FOXI3: variants seen among roughly 807,000 people sequenced by gnomAD.
FOXI3 encodes the protein forkhead box I3.
A neutral mutation model predicts 15.6 loss-of-function variants in FOXI3; 4 were observed. The observed-to-expected ratio is 0.26, with a 90% confidence interval of 0.13 to 0.59. FOXI3 has a LOEUF of 0.59. FOXI3 is among the 20% of genes least tolerant of loss of function. The pLI is 0.90. For missense variants in FOXI3, 489 were observed against 548.2 expected (o/e 0.89, Z 1.08); for synonymous variants, 238 against 244.4 (o/e 0.97, Z 0.25).
In FOXI3 at chr2:88,447,140, C is replaced by T. The variant is rs1235938283; in HGVS notation, c.*1067G>A. ...TGGAAAATGGGGGGTAGTAACAATACCCACCACCCAAGGTTTCTGAGAGGA... is the reference window on the plus strand; with the variant it reads ...TGGAAAATGGGGGGTAGTAACAATATCCACCACCCAAGGTTTCTGAGAGGA... On this transcript the variant is annotated 3_prime_UTR_variant, in exon 2 of 2. Coordinates refer to ENST00000428390, the MANE Select transcript of FOXI3 (RefSeq NM_001135649.3). 6.6e-6 allele frequency: 1 copy of T among 152,188 alleles called. No homozygotes were observed. Among genetic ancestry groups the T allele is most frequent in the Non-Finnish European group, 1.5e-5 (1 of 68,040 alleles). 9.4% of individuals were successfully genotyped at this position (152,188 alleles called of 1,614,324 possible).
chr2:88,451,843 T>TG, intron 1 of FOXI3, 53 bp downstream of exon 1: 1 of 1,575,202 alleles, frequency 6.3e-7, no homozygotes, highest in African/African-American at 1.4e-5. Context: ...CGCCGGCCCT[T>TG]GCGACCCGCG....
At position 88,448,341 on chromosome 2, in the gene FOXI3, C is replaced by T. The variant is rs528789316; in HGVS notation, c.1129G>A (p.Gly377Ser). ...GGGCTGTAATAGGAAGATCTCTGGC[C>T]GGTGCTATTGCTGGTGCTATTGCTC... ...QLSNSTSNST[G>S]QRSSYYSPFP... is the part of the protein sequence containing the mutation. The change falls in exon 2 of 2, where the codon GGC becomes AGC. Residue 377 changes from glycine to serine, a missense_variant. Physicochemically the swap from Gly to Ser is moderately conservative, Grantham distance 56. Coordinates refer to ENST00000428390, the MANE Select transcript of FOXI3 (RefSeq NM_001135649.3). 4.1e-5 allele frequency: 64 copies of T among 1,551,604 alleles called. No individual in the cohort carries two copies. In the Middle Eastern group the frequency reaches 6.7e-4, roughly 16 times the overall value.
At chr2:88,450,666 A>T (rs565924860) in intron 1 of FOXI3, among the ~76,000 whole-genome samples, 30 of 152,286 alleles carry the variant, frequency 2.0e-4, no homozygotes, top group Admixed American at 1.2e-3. Context: ...GACAATTTAC[A>T]TGATAATCTT....
In FOXI3 at chr2:88,448,364, C is replaced by A. The variant is rs1474215048; in HGVS notation, c.1106G>T (p.Ser369Ile). 4 of 1,551,670 alleles carry A rather than the reference C, an allele frequency of 2.6e-6. No homozygotes were observed. ...SEASADTLQL[S>I]NSTSNSTGQR... Reference sequence around the variant, plus strand: ...GCCGGTGCTATTGCTGGTGCTATTGCTCAGTTGCAAGGTGTCTGCTGAGGC... The same window carrying A: ...GCCGGTGCTATTGCTGGTGCTATTGATCAGTTGCAAGGTGTCTGCTGAGGC... The change falls in exon 2 of 2, where the codon AGC becomes ATC. Residue 369 changes from serine (S) to isoleucine (I), a missense_variant. By Grantham distance (142) the Ser-to-Ile change is moderately radical. Transcript: ENST00000428390.
In FOXI3 at chr2:88,452,405, G is replaced by T. The variant is rs1211044065; in HGVS notation, c.131C>A (p.Ala44Glu). 2.0e-6 allele frequency: 2 copies of T among 998,384 alleles called. No homozygotes were observed. Among genetic ancestry groups the T allele is most frequent in the Non-Finnish European group, 2.4e-6 (2 of 840,348 alleles). The allele number at this position is 998,384 out of a possible 1,614,324, so 61.8% of individuals were successfully genotyped here. A position where few individuals can be genotyped will look rare whatever the true frequency, so the allele number is the denominator to read the frequency against. Reference protein sequence around the residue: ...RAPYGLADYAAPPAAAANPYL... With the variant: ...RAPYGLADYAEPPAAAANPYL... The stretch of plus-strand genomic sequence containing the variant: ...GGGGTTGGCGGCGGCGGCCGGCGGC[G>T]CGGCGTAGTCGGCCAGCCCGTAAGG... Residue 44 changes from alanine to glutamate, a missense_variant, in exon 1 of 2, where the codon GCG (alanine) becomes GAG (glutamate). Ala to Glu is a moderately radical substitution (Grantham distance 107, BLOSUM62 -1). Around this residue, in one of 3 missense-constraint regions of FOXI3, gnomAD observed 224 missense variants for 245.7 expected, o/e 0.91. Coordinates refer to ENST00000428390, the MANE Select transcript of FOXI3 (RefSeq NM_001135649.3).
At position 88,452,284 on chromosome 2, in the gene FOXI3, G is replaced by GGGCGGC. The variant is rs1256638071; in HGVS notation, c.246_251dup (p.Pro84_Pro85dup). Reference sequence around the variant, plus strand: ...GAAAGGGCCCGGCCGCGGCCCCGGGGGGCGGCGGCGGCGGCGGAGCGCCCA... The same window carrying GGGCGGC: ...GAAAGGGCCCGGCCGCGGCCCCGGGGGGCGGCGGCGGCGGCGGCGGCGGAGCGCCCA... On this transcript the variant is annotated inframe_insertion, in exon 1 of 2. Coordinates refer to ENST00000428390, the MANE Select transcript of FOXI3 (RefSeq NM_001135649.3). The GGGCGGC allele has an allele frequency of 4.1e-6, 4 of 982,312 alleles. No individual in the cohort carries two copies. The highest frequency in any genetic ancestry group is 6.3e-5 in the Admixed American group (1 of 15,782). 60.8% of individuals were successfully genotyped at this position (982,312 alleles called of 1,614,324 possible).
Position 88,447,966 on chromosome 2 carries a change from C to T in FOXI3, c.*241G>A, listed in dbSNP as rs1274317725. 28 of 551,808 alleles carry T rather than the reference C, an allele frequency of 5.1e-5. No homozygotes were observed. Among genetic ancestry groups the T allele is most frequent in the Admixed American group, 1.5e-4 (5 of 32,676 alleles). The allele number at this position is 551,808 out of a possible 1,614,324, so 34.2% of individuals were successfully genotyped here. A position where few individuals can be genotyped will look rare whatever the true frequency, so the allele number is the denominator to read the frequency against. On this transcript the variant is annotated 3_prime_UTR_variant, in exon 2 of 2. Coordinates refer to ENST00000428390, the MANE Select transcript of FOXI3 (RefSeq NM_001135649.3). Reference sequence around the variant, plus strand: ...CTACCTATCACAGAAGACAGTGAAACGGATTTCTCTCTGGAGAGGCCCACA... The same window carrying T: ...CTACCTATCACAGAAGACAGTGAAATGGATTTCTCTCTGGAGAGGCCCACA...
At position 88,452,667 on chromosome 2, in the gene FOXI3, G is replaced by T; in HGVS notation, c.-132C>A. 1 of 449,036 alleles carries T rather than the reference G, an allele frequency of 2.2e-6. No individual in the cohort carries two copies. The highest frequency in any genetic ancestry group is 3.1e-6 in the Non-Finnish European group (1 of 327,608). The allele number at this position is 449,036 out of a possible 1,614,324, so 27.8% of individuals were successfully genotyped here. On this transcript the variant is annotated 5_prime_UTR_variant, in exon 1 of 2. Coordinates refer to ENST00000428390, the MANE Select transcript of FOXI3 (RefSeq NM_001135649.3). The stretch of plus-strand genomic sequence containing the variant: ...CCTTCACCCGCGCTGGGCGCCCGGT[G>T]CTCCGGGCCGGGGTCGGGCGGGTGC...
Position 88,452,164 on chromosome 2 carries a change from CGCGGGCGCG to C in FOXI3, c.363_371del (p.Ala122_Ala124del). ...ACAGCCAGCCCAGCTCCCCGGGCCC[CGCGGGCGCG>C]GCGGGCGAGGCGGGCGCGGCGGGCG... On this transcript the variant is annotated inframe_deletion, in exon 1 of 2. Coordinates refer to ENST00000428390, the MANE Select transcript of FOXI3 (RefSeq NM_001135649.3). 1 of 1,354,170 alleles carries C rather than the reference CGCGGGCGCG, an allele frequency of 7.4e-7. No homozygotes were observed. The highest frequency in any genetic ancestry group is 9.5e-7 in the Non-Finnish European group (1 of 1,053,562). 83.9% of individuals were successfully genotyped at this position (1,354,170 alleles called of 1,614,324 possible).
chr2:88,451,817 C>T (rs1004371452), intron 1 of FOXI3, 79 bp downstream of exon 1: 3 of 1,543,660 alleles, frequency 1.9e-6, no homozygotes, highest in Non-Finnish European at 2.6e-6. Context: ...ATCTTCCAGC[C>T]GCACACCGAC....
rs1676059487 is a variant in FOXI3 at position 88,452,140 on chromosome 2, C to T, written c.396G>A (p.Leu132=). The stretch of plus-strand genomic sequence containing the variant: ...TCAGGTCCTCGCGGCTGGCCATGGA[C>T]AGCCAGCCCAGCTCCCCGGGCCCCG... ...APAGPGELGW[L]SMASREDLMK... Residue 132 remains leucine, a synonymous_variant, in exon 1 of 2, where the codon CTG becomes CTA. Coordinates refer to ENST00000428390, the MANE Select transcript of FOXI3 (RefSeq NM_001135649.3). The T allele has an allele frequency of 1.3e-6, 2 of 1,529,634 alleles. No homozygotes were observed. The highest frequency in any genetic ancestry group is 2.0e-5 in the Admixed American group (1 of 48,856). The allele number at this position is 1,529,634 out of a possible 1,614,324, so 94.8% of individuals were successfully genotyped here.
chr2:88,447,022 C>T lies in FOXI3; in HGVS notation c.*1185G>A, dbSNP rs1361824898. 2.0e-5 allele frequency: 3 copies of T among 152,184 alleles called. No individual in the cohort carries two copies. Among genetic ancestry groups the T allele is most frequent in the African/African-American group, 7.2e-5 (3 of 41,532 alleles). The allele number at this position is 152,184 out of a possible 1,614,324, so 9.4% of individuals were successfully genotyped here. Reference sequence around the variant, plus strand: ...AAAGTGGTCACAACTTTTTTTTAGCCACCTGTGCACATTTGAGCTTGCAAT... The same window carrying T: ...AAAGTGGTCACAACTTTTTTTTAGCTACCTGTGCACATTTGAGCTTGCAAT... On this transcript the variant is annotated 3_prime_UTR_variant, in exon 2 of 2. Transcript: ENST00000428390.
At chr2:88,450,942 G>A (rs900355991) in intron 1 of FOXI3, among the ~76,000 whole-genome samples, 10 of 152,134 alleles carry the variant, frequency 6.6e-5, no homozygotes, top group Non-Finnish European at 2.9e-5. Context: ...GGAGAGTGCT[G>A]GTCTACAGTG....
chr2:88,447,916 TC>T lies in FOXI3; in HGVS notation c.*290del. Reference sequence around the variant, plus strand: ...ACAGTGATAAACAAAATAGACATGGTCCCCGCCCTCACGGGGCTCACAGGCT... The same window carrying T: ...ACAGTGATAAACAAAATAGACATGGTCCCGCCCTCACGGGGCTCACAGGCT... On this transcript the variant is annotated 3_prime_UTR_variant, in exon 2 of 2. Transcript: ENST00000428390. 2.2e-6 allele frequency: 1 copy of T among 463,800 alleles called. No individual in the cohort carries two copies. The highest frequency in any genetic ancestry group is 3.9e-6 in the Non-Finnish European group (1 of 254,814). The allele number at this position is 463,800 out of a possible 1,614,324, so 28.7% of individuals were successfully genotyped here. A position where few individuals can be genotyped will look rare whatever the true frequency, so the allele number is the denominator to read the frequency against.
At position 88,452,378 on chromosome 2, in the gene FOXI3, T is replaced by G. The variant is rs965794015; in HGVS notation, c.158A>C (p.Tyr53Ser). 20 of 984,644 alleles carry G rather than the reference T, an allele frequency of 2.0e-5. No individual in the cohort carries two copies. Among genetic ancestry groups the G allele is most frequent in the Non-Finnish European group, 2.3e-5 (19 of 832,636 alleles). The allele number at this position is 984,644 out of a possible 1,614,324, so 61.0% of individuals were successfully genotyped here. A position where few individuals can be genotyped will look rare whatever the true frequency, so the allele number is the denominator to read the frequency against. Reference protein sequence around the residue: ...AAPPAAAANPYLWLNGPGVGG... With the variant: ...AAPPAAAANPSLWLNGPGVGG... ...CACGCCGGGCCCGTTGAGCCACAGG[T>G]AGGGGTTGGCGGCGGCGGCCGGCGG... Residue 53 changes from tyrosine (Y) to serine (S), a missense_variant, in exon 1 of 2, where the codon TAC becomes TCC. Physicochemically the swap from Tyr to Ser is moderately radical, Grantham distance 144. Coordinates refer to ENST00000428390, the MANE Select transcript of FOXI3 (RefSeq NM_001135649.3).
In FOXI3 at chr2:88,452,577, G is replaced by A. The variant is rs1173093916; in HGVS notation, c.-42C>T. ...GGCTGCGGCGCGGCCGCGGCGAGGG[G>A]CGAGCGGGGCTGGTCTCGCCGCTCG... On this transcript the variant is annotated 5_prime_UTR_variant, in exon 1 of 2. Coordinates refer to ENST00000428390, the MANE Select transcript of FOXI3 (RefSeq NM_001135649.3). 3.8e-6 allele frequency: 4 copies of A among 1,054,660 alleles called. No individual in the cohort carries two copies. The highest frequency in any genetic ancestry group is 4.6e-6 in the Non-Finnish European group (4 of 873,240). 65.3% of individuals were successfully genotyped at this position (1,054,660 alleles called of 1,614,324 possible).
In FOXI3 at chr2:88,452,049, C is replaced by T. The variant is rs769538266; in HGVS notation, c.487G>A (p.Glu163Lys). The T allele has an allele frequency of 3.8e-6, 6 of 1,592,044 alleles. No homozygotes were observed. The highest frequency in any genetic ancestry group is 1.1e-5 in the South Asian group (1 of 88,468). The change falls in exon 1 of 2, where the codon GAG (glutamate) becomes AAG (lysine). Residue 163 changes from glutamate to lysine, a missense_variant. Glu to Lys is a moderately conservative substitution (Grantham distance 56, BLOSUM62 1). Around this residue, in one of 3 missense-constraint regions of FOXI3, gnomAD observed 224 missense variants for 245.7 expected, o/e 0.91. Transcript: ENST00000428390. ...ATGTGGCTGAGAGTGAGTTTGCGCT[C>T]GGGCGCGCTCTGAATGGCCATGGCG... Reference protein sequence around the residue: ...LIAMAIQSAPERKLTLSHIYQ... With the variant: ...LIAMAIQSAPKRKLTLSHIYQ...
intron 1 of FOXI3, among the ~76,000 whole-genome samples, chr2:88,451,114 A>G (rs1392680038): frequency 1.3e-5 from 2 of 152,072 alleles, no homozygotes; most frequent in African/African-American, 2.4e-5. Flanking sequence ...GAAAACCTCA[A>G]GTAGGATTCT....
In FOXI3 at chr2:88,452,604, G is replaced by A. The variant is rs1367682897; in HGVS notation, c.-69C>T. The A allele has an allele frequency of 9.2e-6, 9 of 978,682 alleles. No individual in the cohort carries two copies. Among genetic ancestry groups the A allele is most frequent in the Admixed American group, 5.7e-5 (1 of 17,534 alleles). 60.6% of individuals were successfully genotyped at this position (978,682 alleles called of 1,614,324 possible). On this transcript the variant is annotated 5_prime_UTR_variant, in exon 1 of 2. Transcript: ENST00000428390. ...GAGCGGGGCTGGTCTCGCCGCTCGG[G>A]CGAGAGCATCCCTTTGGGGGCCAAC...
Sources: gnomAD v4.1 joint callset for allele counts (sites outside exome capture counted in the v4.1 genomes callset) on GRCh38, gnomAD v4.1.1 for gene constraint, gnomAD v4.1.1 regional missense constraint, MANE v1.5 for transcripts, NCBI Gene and HGNC (gene_info 2026-07-23, HGNC 2026-07-21) for gene names.